The following MLLT1 variants were observed in gnomAD, a reference collection of about 807,000 sequenced individuals.
MLLT1 encodes protein ENL.
In MLLT1, 11 loss-of-function variants were observed where a neutral mutation model predicts 55.1. The ratio of observed to expected loss-of-function variants is 0.20; its 90% CI spans 0.13 to 0.33. The LOEUF (loss-of-function observed/expected upper bound fraction) is 0.33. Among genes scored for constraint, MLLT1 ranks in the 10% least tolerant of loss-of-function variants. The pLI, the probability that MLLT1 is intolerant of heterozygous loss-of-function variation, is 1.00. For synonymous variants in MLLT1, 323 were observed against 320.1 expected (o/e 1.01, Z -0.10); for missense variants, 536 against 760.6 (o/e 0.70, Z 3.47).
chr19:6,221,892 G>A (rs1043341623), intron 6 of MLLT1, among the ~76,000 whole-genome samples: 3 of 152,210 alleles, frequency 2.0e-5, no homozygotes, highest in Non-Finnish European at 4.4e-5. Flanking sequence ...AAATGCCACC[G>A]AGGAGGCGAG....
chr19:6,238,437 C>G (rs963117753), intron 3 of MLLT1, among the ~76,000 whole-genome samples: 10 of 152,196 alleles, frequency 6.6e-5, no homozygotes, highest in Non-Finnish European at 5.9e-5. Context: ...TCAAAACAAC[C>G]CTTGCGGGGA....
chr19:6,247,558 G>A (rs976960517), intron 3 of MLLT1, among the ~76,000 whole-genome samples: 1 of 152,132 alleles, frequency 6.6e-6, no homozygotes, highest in African/African-American at 2.4e-5. Flanking sequence ...TGGAAGAGAA[G>A]GGACGGCTCT....
chr19:6,260,708 C>T (rs550995981), intron 3 of MLLT1, among the ~76,000 whole-genome samples: 1 of 152,362 alleles, frequency 6.6e-6, no homozygotes, highest in African/African-American at 2.4e-5. Context: ...AGCTTGGGCA[C>T]AGTGGCAAGT....
At chr19:6,268,970 G>A (rs1388018638) in intron 2 of MLLT1, among the ~76,000 whole-genome samples, 1 of 152,224 alleles carries the variant, frequency 6.6e-6, no homozygotes, top group African/African-American at 2.4e-5. Flanking sequence ...CCTCAAAGTG[G>A]ATGGAAATCA....
At chr19:6,271,791 C>T (rs2091397001) in intron 1 of MLLT1, among the ~76,000 whole-genome samples, 1 of 152,268 alleles carries the variant, frequency 6.6e-6, no homozygotes, top group African/African-American at 2.4e-5. Context: ...CCAGCCAGAC[C>T]ATGGCCTGAG....
chr19:6,279,347 C>G (rs1339769660), intron 1 of MLLT1, among the ~76,000 whole-genome samples: 1 of 152,084 alleles, frequency 6.6e-6, no homozygotes, highest in African/African-American at 2.4e-5. Flanking sequence ...CGGGAGGGGT[C>G]TGAACAGGGC....
At chr19:6,232,731 A>C (rs1213785356) in intron 3 of MLLT1, among the ~76,000 whole-genome samples, 2 of 152,212 alleles carry the variant, frequency 1.3e-5, no homozygotes, top group Non-Finnish European at 2.9e-5. Context: ...TCTAACAGAC[A>C]CAGGGTTTCT....
chr19:6,216,542 A>T (rs764637311), intron 7 of MLLT1, 29 bp from the exon 8 acceptor site: 1 of 1,478,570 alleles, frequency 6.8e-7, no homozygotes, highest in South Asian at 1.2e-5. Flanking sequence ...GAGGGAGGGG[A>T]GACAAGGGCA....
Position 6,265,045 on chromosome 19 carries a change from AAAAC to A in MLLT1, c.194-2739_194-2736del, listed in dbSNP as rs1316861614. Among the ~76,000 whole-genome samples, 12 of 56,362 alleles carry A rather than the reference AAAAC, an allele frequency of 2.1e-4. 1 individual carries two copies. The highest frequency in any genetic ancestry group is 6.3e-4 in the African/African-American group (11 of 17,490). The allele number at this position is 56,362 out of a possible 152,430, so 37.0% of individuals were successfully genotyped here. ...ACAAAACATAGTGAACAGCAAAAAA[AAAAC>A]AAAAAAACAAAAAAACAAAAAAAAA... On this transcript the variant is annotated intron_variant, in intron 2 of 11. Coordinates refer to ENST00000252674, the MANE Select transcript of MLLT1 (RefSeq NM_005934.4).
chr19:6,249,632 C>T (rs1269817654), intron 3 of MLLT1, among the ~76,000 whole-genome samples: 1 of 152,232 alleles, frequency 6.6e-6, no homozygotes, highest in East Asian at 1.9e-4. Flanking sequence ...CCTTGAAGAG[C>T]TGGAGCCCCC....
At chr19:6,276,586 G>A (rs142428698) in intron 1 of MLLT1, among the ~76,000 whole-genome samples, 53 of 152,126 alleles carry the variant, frequency 3.5e-4, no homozygotes, top group African/African-American at 1.2e-3. Context: ...CCCAGTCCCC[G>A]TGACCTGCTC....
At position 6,245,184 on chromosome 19, in the gene MLLT1, T is replaced by A. The variant is rs572229790; in HGVS notation, c.277-14471A>T. ...AGTGAGACTCTCTAACAAAAAAAAA[T>A]TTTTTTAAATCTTTTCTTTTTTTCC... On this transcript the variant is annotated intron_variant, in intron 3 of 11. Coordinates refer to ENST00000252674, the MANE Select transcript of MLLT1 (RefSeq NM_005934.4). Among the ~76,000 whole-genome samples, 671 of 151,720 alleles carry A rather than the reference T, an allele frequency of 4.4e-3. 3 individuals are homozygous for A. Among genetic ancestry groups the A allele is most frequent in the Non-Finnish European group, 7.4e-3 (502 of 67,898 alleles).
chr19:6,269,937 C>T (rs2091381610), intron 2 of MLLT1, among the ~76,000 whole-genome samples: 1 of 152,208 alleles, frequency 6.6e-6, no homozygotes, highest in South Asian at 2.1e-4. Flanking sequence ...CACCAGACCA[C>T]CACCTCACTC....
At chr19:6,277,905 G>A (rs118157619) in intron 1 of MLLT1, among the ~76,000 whole-genome samples, 1 of 152,148 alleles carries the variant, frequency 6.6e-6, no homozygotes, top group South Asian at 2.1e-4. Flanking sequence ...CTCACACCAC[G>A]CCGTGGAAAT....
intron 3 of MLLT1, among the ~76,000 whole-genome samples, chr19:6,254,255 T>G (rs2091241186): frequency 6.6e-6 from 1 of 152,232 alleles, no homozygotes; most frequent in Non-Finnish European, 1.5e-5. Context: ...TTCCGAGAGC[T>G]TCCAGGCTGG....
chr19:6,213,957 T>C lies in MLLT1; in HGVS notation c.1389A>G (p.Pro463=), dbSNP rs909349571. Residue 463 remains proline (P), a synonymous_variant, in exon 9 of 12, where the codon CCA becomes CCG. Coordinates refer to ENST00000252674, the MANE Select transcript of MLLT1 (RefSeq NM_005934.4). ...GGCTCACCTTGCTGTTGGGCGGGGG[T>C]GGCTTCTGGGGGGGTGGGGGCTCAC... ...PSREPPPPQK[P]PPPNSKVSGR... 39 of 1,357,522 alleles carry C rather than the reference T, an allele frequency of 2.9e-5. No individual in the cohort carries two copies. The highest frequency in any genetic ancestry group is 3.8e-5 in the Non-Finnish European group (39 of 1,015,450). The allele number at this position is 1,357,522 out of a possible 1,614,324, so 84.1% of individuals were successfully genotyped here. A position where few individuals can be genotyped will look rare whatever the true frequency, so the allele number is the denominator to read the frequency against.
chr19:6,252,290 G>A (rs920189684), intron 3 of MLLT1, among the ~76,000 whole-genome samples: 8 of 152,168 alleles, frequency 5.3e-5, no homozygotes, highest in African/African-American at 1.2e-4. Context: ...CTGCGGAGGC[G>A]TCTGAGCTTG....
rs551502384 is a variant in MLLT1 at position 6,216,572 on chromosome 19, G to A, written c.1199-59C>T. The A allele has an allele frequency of 7.6e-5, 99 of 1,304,314 alleles. 1 individual carries two copies. The South Asian group carries it at 1.3e-3, about 16-fold the overall frequency. The allele number at this position is 1,304,314 out of a possible 1,614,324, so 80.8% of individuals were successfully genotyped here. ...AGGGCAGGGCTCCACTGAGCCTCCAGGGCCCCTCGCCCATGAGGCCACGCA... is the reference window on the plus strand; with the variant it reads ...AGGGCAGGGCTCCACTGAGCCTCCAAGGCCCCTCGCCCATGAGGCCACGCA... On this transcript the variant is annotated intron_variant, in intron 7 of 11. Transcript: ENST00000252674.
Position 6,211,110 on chromosome 19 carries a change from G to A in MLLT1, c.*1932C>T, listed in dbSNP as rs534805375. The A allele has an allele frequency of 1.3e-5, 3 of 232,486 alleles. No individual in the cohort carries two copies. The highest frequency in any genetic ancestry group is 5.6e-5 in the Admixed American group (1 of 17,764). 14.4% of individuals were successfully genotyped at this position (232,486 alleles called of 1,614,324 possible). A position where few individuals can be genotyped will look rare whatever the true frequency, so the allele number is the denominator to read the frequency against. On this transcript the variant is annotated 3_prime_UTR_variant, in exon 12 of 12. Transcript: ENST00000252674. This position sits in a 1 kb window ranked among gnomAD's most constrained non-coding sequence, Gnocchi z 4.6. ...GCACCCTGGGCTGAGGTTCCTGTCC[G>A]TGACCCCGGCGGCCTCTTGTGCGTA... is the stretch of plus-strand genomic sequence containing the variant.
Sources: allele counts gnomAD v4.1 joint callset (sites outside exome capture counted in the v4.1 genomes callset), GRCh38; gene constraint gnomAD v4.1.1; non-coding constraint Gnocchi (gnomAD v3.1); transcripts MANE v1.5; gene names NCBI Gene and HGNC (gene_info 2026-07-23, HGNC 2026-07-21).